ARFGEF1: variants seen among roughly 807,000 people sequenced by gnomAD.
ARFGEF1 encodes brefeldin A-inhibited guanine nucleotide-exchange protein 1.
Under a neutral mutation model 231.0 loss-of-function variants are expected in ARFGEF1, and 42 were observed. That is an observed-to-expected ratio of 0.18 (90% CI 0.14 to 0.24). ARFGEF1 has a LOEUF of 0.24. Among genes scored for constraint, ARFGEF1 ranks in the 10% least tolerant of loss-of-function variants. ARFGEF1 has a pLI of 1.00. For synonymous variants in ARFGEF1, 710 were observed against 732.3 expected (o/e 0.97, Z 0.49); for missense variants, 1,345 against 2,192.0 (o/e 0.61, Z 7.72).
intron 34 of ARFGEF1, among the ~76,000 whole-genome samples, chr8:67,211,056 A>C (rs562560935): frequency 0.01 from 1,442 of 138,008 alleles, 24 homozygotes; most frequent in African/African-American, 0.037. Context: ...AAAAAAAAAA[A>C]ACAAAAGTGG....
chr8:67,338,241 C>CAAA (rs1456724204), intron 1 of ARFGEF1, among the ~76,000 whole-genome samples: 1 of 152,112 alleles, frequency 6.6e-6, no homozygotes, highest in Non-Finnish European at 1.5e-5. Context: ...CTACTTTCCC[C>CAAA]AAACCTGTGT....
intron 23 of ARFGEF1, among the ~76,000 whole-genome samples, chr8:67,231,555 G>A (rs1839554749): frequency 6.6e-6 from 1 of 152,048 alleles, no homozygotes; most frequent in East Asian, 1.9e-4. Flanking sequence ...AGCAGAAACA[G>A]TAGGTAAAAT....
At chr8:67,194,026 C>T (rs1360885172), downstream of ARFGEF1, among the ~76,000 whole-genome samples, 1 of 152,052 alleles carries the variant, frequency 6.6e-6, no homozygotes, top group African/African-American at 2.4e-5. Context: ...TGGCTTTCCA[C>T]ACCATGGACA....
chr8:67,294,017 A>T (rs1806121377), intron 5 of ARFGEF1, among the ~76,000 whole-genome samples: 1 of 152,094 alleles, frequency 6.6e-6, no homozygotes, highest in African/African-American at 2.4e-5. Context: ...GAAAATACTG[A>T]TGGCGGGGGG....
downstream of ARFGEF1, among the ~76,000 whole-genome samples, chr8:67,194,298 TC>T (rs2129576218): frequency 6.6e-6 from 1 of 152,352 alleles, no homozygotes; most frequent in South Asian, 2.1e-4. Context: ...AGTCTGTTAA[TC>T]TACATTACAA....
downstream of ARFGEF1, among the ~76,000 whole-genome samples, chr8:67,194,699 A>AAG (rs1563812766): frequency 3.3e-5 from 5 of 151,818 alleles, no homozygotes; most frequent in Admixed American, 6.6e-5. Flanking sequence ...AAAAAAAAAA[A>AAG]AAGAATATGA....
At chr8:67,248,271 A>C (rs1840166835) in intron 19 of ARFGEF1, among the ~76,000 whole-genome samples, 1 of 150,438 alleles carries the variant, frequency 6.6e-6, no homozygotes, top group Non-Finnish European at 1.5e-5. Context: ...AAAATGGCAC[A>C]GTACTGGCAT....
chr8:67,288,096 T>C (rs748062679), intron 6 of ARFGEF1, 31 bp from the exon 7 acceptor site: 5 of 1,461,320 alleles, frequency 3.4e-6, no homozygotes, highest in Non-Finnish European at 3.7e-6. Flanking sequence ...AACAGAACAT[T>C]ATTTTAACTT....
intron 5 of ARFGEF1, among the ~76,000 whole-genome samples, chr8:67,293,635 T>C (rs543737178): frequency 6.6e-6 from 1 of 152,256 alleles, no homozygotes; most frequent in East Asian, 1.9e-4. Context: ...TACTGCTCAA[T>C]GATAAGAGCA....
chr8:67,315,581 T>C (rs1465547007), intron 1 of ARFGEF1, among the ~76,000 whole-genome samples: 2 of 152,072 alleles, frequency 1.3e-5, no homozygotes, highest in Non-Finnish European at 2.9e-5. Flanking sequence ...AGCAAGTTTA[T>C]TAAGAAAGTA....
intron 34 of ARFGEF1, among the ~76,000 whole-genome samples, chr8:67,208,433 G>A (rs918173736): frequency 1.3e-5 from 2 of 151,886 alleles, no homozygotes; most frequent in East Asian, 3.9e-4. Context: ...AGTTTGAGAC[G>A]AGCCTGGCCA....
downstream of ARFGEF1, among the ~76,000 whole-genome samples, chr8:67,193,926 AT>A (rs1190346524): frequency 6.6e-6 from 1 of 152,268 alleles, no homozygotes; most frequent in Non-Finnish European, 1.5e-5. Flanking sequence ...AAAGTAAAAC[AT>A]TATTAGAAAT....
intron 19 of ARFGEF1, among the ~76,000 whole-genome samples, chr8:67,243,702 A>G (rs1343195422): frequency 6.6e-6 from 1 of 152,184 alleles, no homozygotes; most frequent in Non-Finnish European, 1.5e-5. Context: ...CAAAGCCCAG[A>G]CATCAATGAA....
At chr8:67,314,844 G>A (rs1194372140) in intron 1 of ARFGEF1, among the ~76,000 whole-genome samples, 2 of 152,054 alleles carry the variant, frequency 1.3e-5, no homozygotes, top group African/African-American at 4.8e-5. Context: ...AAAGCAGTCG[G>A]GGCAACGTAG....
chr8:67,270,238 A>G (rs1805021624), intron 10 of ARFGEF1, among the ~76,000 whole-genome samples: 1 of 152,218 alleles, frequency 6.6e-6, no homozygotes. Context: ...TTGACATCAT[A>G]CATCATATAG....
In ARFGEF1 at chr8:67,301,211, A is replaced by G. The variant is rs536587805; in HGVS notation, c.312+13T>C. 8 of 1,587,680 alleles carry G rather than the reference A, an allele frequency of 5.0e-6. No individual in the cohort carries two copies. The highest frequency in any genetic ancestry group is 3.7e-5 in the Admixed American group (2 of 53,774). ...AAGTACACAGTTTTTAGAAAGTGCC[A>G]TTTTAGACATACCTGTAAGCAATCT... On this transcript the variant is annotated intron_variant, in intron 3 of 38. Coordinates refer to ENST00000262215, the MANE Select transcript of ARFGEF1 (RefSeq NM_006421.5).
chr8:67,232,225 T>C (rs573517944), intron 23 of ARFGEF1, among the ~76,000 whole-genome samples: 24 of 152,180 alleles, frequency 1.6e-4, no homozygotes, highest in African/African-American at 5.5e-4. Context: ...AAAAACATTA[T>C]TGTAAAATGT....
intron 10 of ARFGEF1, among the ~76,000 whole-genome samples, chr8:67,270,962 T>C (rs1183843254): frequency 6.9e-6 from 1 of 145,318 alleles, no homozygotes; most frequent in Admixed American, 7.2e-5. Context: ...AGGCGGAGGT[T>C]GTGCTGAGTC....
Position 67,226,014 on chromosome 8 carries a change from A to G in ARFGEF1, c.4077+9T>C. ...TCTGCAAAATTTTGTTTACTAAATG[A>G]CGCTATACCTGAGGTCTATCAGACA... On this transcript the variant is annotated intron_variant, in intron 28 of 38. Coordinates refer to ENST00000262215, the MANE Select transcript of ARFGEF1 (RefSeq NM_006421.5). The G allele has an allele frequency of 6.4e-7, 1 of 1,572,326 alleles. No individual in the cohort carries two copies. Among genetic ancestry groups the G allele is most frequent in the African/African-American group, 1.4e-5 (1 of 73,244 alleles).
Sources: allele counts gnomAD v4.1 joint callset (sites outside exome capture counted in the v4.1 genomes callset), GRCh38; gene constraint gnomAD v4.1.1; transcripts MANE v1.5; gene names NCBI Gene and HGNC (gene_info 2026-07-23, HGNC 2026-07-21).